GOLGA1: variants seen among roughly 807,000 people sequenced by gnomAD.
GOLGA1 encodes the protein golgin A1.
GOLGA1 carries 63 observed loss-of-function variants against 119.7 expected under a neutral mutation model. That is an observed-to-expected ratio of 0.53 (90% CI 0.43 to 0.65). GOLGA1 has a LOEUF of 0.65. Among genes scored for constraint, GOLGA1 ranks in the 30% least tolerant of loss-of-function variants. GOLGA1 has a pLI of 0.00. For missense variants in GOLGA1, 798 were observed against 912.8 expected (o/e 0.87, Z 1.62); for synonymous variants, 318 against 333.4 (o/e 0.95, Z 0.50).
chr9:124,937,779 T>A (rs1052294415), intron 3 of GOLGA1, among the ~76,000 whole-genome samples: 3 of 152,194 alleles, frequency 2.0e-5, no homozygotes, highest in African/African-American at 7.2e-5. Context: ...AAATGTATTT[T>A]ACTAATAAGA....
chr9:124,928,098 T>C (rs1830706359), intron 6 of GOLGA1, 90 bp downstream of exon 6: 1 of 578,112 alleles, frequency 1.7e-6, no homozygotes, highest in South Asian at 2.3e-5. Context: ...AGGCTATAAA[T>C]ATTTTCTATA....
intron 14 of GOLGA1, 43 bp from the exon 15 acceptor site, chr9:124,898,687 C>T: frequency 8.6e-7 from 1 of 1,163,378 alleles, no homozygotes; most frequent in Non-Finnish European, 1.3e-6. Flanking sequence ...TCTTCACTAC[C>T]ATATTTCCCT....
intron 19 of GOLGA1, among the ~76,000 whole-genome samples, chr9:124,885,877 A>G (rs774523015): frequency 6.6e-6 from 1 of 152,164 alleles, no homozygotes; most frequent in Non-Finnish European, 1.5e-5. Context: ...TGCCAGGGAA[A>G]CCAGTTAGAA....
Position 124,888,371 on chromosome 9 carries a change from G to A in GOLGA1, c.1787C>T (p.Pro596Leu), listed in dbSNP as rs1035077683. Residue 596 changes from proline (P) to leucine (L), a missense_variant, in exon 19 of 23, where the codon CCT becomes CTT. Transcript: ENST00000373555. The surrounding 1 kb of genome is among the most constrained non-coding windows in gnomAD (Gnocchi z 4.4). ...TCCTGCAGTTGGAAGCTGGAACACAGGGTCCTGCATGGCCCTCGAGGTCAC... is the reference window on the plus strand; with the variant it reads ...TCCTGCAGTTGGAAGCTGGAACACAAGGTCCTGCATGGCCCTCGAGGTCAC... ...SHVTSRAMQD[P>L]VFQLPTAGRT... is the part of the protein sequence containing the mutation. 1.2e-6 allele frequency: 2 copies of A among 1,613,998 alleles called. No homozygotes were observed. Among genetic ancestry groups the A allele is most frequent in the Admixed American group, 3.3e-5 (2 of 60,018 alleles).
At chr9:124,896,034 G>A (rs945445848) in intron 15 of GOLGA1, among the ~76,000 whole-genome samples, 1 of 152,230 alleles carries the variant, frequency 6.6e-6, no homozygotes, top group Non-Finnish European at 1.5e-5. Flanking sequence ...CGTCAATAGC[G>A]CTGAGGTGGA....
chr9:124,881,341 C>T lies in GOLGA1; in HGVS notation c.2137-84G>A, dbSNP rs1232377467. 3.7e-6 allele frequency: 3 copies of T among 806,036 alleles called. No homozygotes were observed. The highest frequency in any genetic ancestry group is 6.7e-6 in the Non-Finnish European group (3 of 445,830). 49.9% of individuals were successfully genotyped at this position (806,036 alleles called of 1,614,324 possible). A position where few individuals can be genotyped will look rare whatever the true frequency, so the allele number is the denominator to read the frequency against. ...CGGGGGAGCTACGTGGCATTTCCTGCTTGCTTTGGTTAGCAGGACCAGGTG... is the reference window on the plus strand; with the variant it reads ...CGGGGGAGCTACGTGGCATTTCCTGTTTGCTTTGGTTAGCAGGACCAGGTG... On this transcript the variant is annotated intron_variant, in intron 21 of 22. Transcript: ENST00000373555. The surrounding 1 kb of genome is among the most constrained non-coding windows in gnomAD (Gnocchi z 4.9).
chr9:124,928,572 G>A (rs1830715401), intron 5 of GOLGA1, among the ~76,000 whole-genome samples: 3 of 152,116 alleles, frequency 2.0e-5, no homozygotes, highest in Admixed American at 1.3e-4. Context: ...TACAATGATA[G>A]AACACTGAGT....
At position 124,929,303 on chromosome 9, in the gene GOLGA1, G is replaced by C. The variant is rs1192136683; in HGVS notation, c.227-13C>G. On this transcript the variant is annotated splice_polypyrimidine_tract_variant and intron_variant, in intron 4 of 22. Coordinates refer to ENST00000373555, the MANE Select transcript of GOLGA1 (RefSeq NM_002077.4). ...TGTTCAGCATAGTCTTGGGTGAGGA[G>C]GGTGACGCACATACCAGAAATGGAC... 6.4e-7 allele frequency: 1 copy of C among 1,562,184 alleles called. No individual in the cohort carries two copies. The highest frequency in any genetic ancestry group is 8.8e-7 in the Non-Finnish European group (1 of 1,132,766).
intron 3 of GOLGA1, among the ~76,000 whole-genome samples, chr9:124,934,167 T>C (rs958404117): frequency 2.0e-5 from 3 of 152,136 alleles, no homozygotes; most frequent in Non-Finnish European, 4.4e-5. Context: ...CAAAGTCACA[T>C]AATAATAATA....
rs1389807272 is a variant in GOLGA1, at chr9:124,946,872, T to G, written c.-156+1046A>C. 1 of 152,230 alleles carries G rather than the reference T, an allele frequency of 6.6e-6. No homozygotes were observed. Among genetic ancestry groups the G allele is most frequent in the Non-Finnish European group, 1.5e-5 (1 of 68,026 alleles). The allele number at this position is 152,230 out of a possible 1,614,324, so 9.4% of individuals were successfully genotyped here. On this transcript the variant is annotated intron_variant, in intron 1 of 4. Coordinates refer to the GOLGA1 transcript ENST00000421514. The surrounding 1 kb of genome is among the most constrained non-coding windows in gnomAD (Gnocchi z 4.0). ...GTGGAAGCATTTTCTCAGATGAGCC[T>G]ACTCACCTTTGATATGCAAGTCCAG...
At chr9:124,905,152 T>C (rs1165629493) in intron 12 of GOLGA1, among the ~76,000 whole-genome samples, 1 of 66,176 alleles carries the variant, frequency 1.5e-5, no homozygotes, top group Admixed American at 1.5e-4. Context: ...TCTCAAAAAA[T>C]AATAATAATA....
chr9:124,889,934 G>A (rs1164661409), intron 16 of GOLGA1, among the ~76,000 whole-genome samples: 1 of 152,214 alleles, frequency 6.6e-6, no homozygotes, highest in Non-Finnish European at 1.5e-5. Context: ...CCTCATCAGA[G>A]GAGACTCAGA....
chr9:124,929,151 A>G lies in GOLGA1; in HGVS notation c.301+65T>C, dbSNP rs1015516384. 7.8e-6 allele frequency: 7 copies of G among 901,092 alleles called. No individual in the cohort carries two copies. In the African/African-American group the frequency reaches 9.9e-5, roughly 13 times the overall value. The allele number at this position is 901,092 out of a possible 1,614,324, so 55.8% of individuals were successfully genotyped here. On this transcript the variant is annotated intron_variant, in intron 5 of 22. Coordinates refer to ENST00000373555, the MANE Select transcript of GOLGA1 (RefSeq NM_002077.4). ...TGAAGAAGGACAAACTTAACCATAC[A>G]CTATTGTTTCATTTCAAAAACTAAA...
rs1830709177 is a variant in GOLGA1, at chr9:124,928,251, T to A, written c.336A>T (p.Thr112=). The A allele has an allele frequency of 1.9e-6, 3 of 1,606,888 alleles. No homozygotes were observed. In the Admixed American group the frequency reaches 5.0e-5, roughly 27 times the overall value. ...CCATTTTGGCTCTGTTGGCTTGGAA[T>A]GTCTCATTCTGCTCTTGAAATTTCC... ...SMRKFQEQNE[T]FQANRAKMAE... Residue 112 remains threonine (T), a synonymous_variant, in exon 6 of 23, where the codon ACA becomes ACT. Coordinates refer to ENST00000373555, the MANE Select transcript of GOLGA1 (RefSeq NM_002077.4).
chr9:124,931,550 T>C, intron 3 of GOLGA1, 144 bp from the exon 4 acceptor site: 1 of 591,946 alleles, frequency 1.7e-6, no homozygotes, highest in Non-Finnish European at 3.1e-6. Flanking sequence ...TTTCTCTACC[T>C]GGAAAGTGGA....
At chr9:124,944,123 A>C (rs1354567672), upstream of GOLGA1, 1 of 152,200 alleles carries the variant, frequency 6.6e-6, no homozygotes, top group Non-Finnish European at 1.5e-5. Context: ...AAAAATAAGC[A>C]AAAAAGTTGG....
chr9:124,884,471 T>C (rs1429876558), intron 19 of GOLGA1, among the ~76,000 whole-genome samples: 1 of 152,204 alleles, frequency 6.6e-6, no homozygotes, highest in Non-Finnish European at 1.5e-5. Context: ...GCTTTCCTAA[T>C]TGTAATGTCT....
chr9:124,930,993 G>A (rs1390583830), intron 4 of GOLGA1, among the ~76,000 whole-genome samples: 2 of 152,166 alleles, frequency 1.3e-5, no homozygotes, highest in Non-Finnish European at 2.9e-5. Flanking sequence ...AAATACTAAC[G>A]CCATCCCTTT....
intron 3 of GOLGA1, among the ~76,000 whole-genome samples, chr9:124,935,021 T>C (rs1830837167): frequency 6.6e-6 from 1 of 152,018 alleles, no homozygotes; most frequent in South Asian, 2.1e-4. Flanking sequence ...CACTCCAGCC[T>C]GGGTGCCAGA....
Sources: allele counts gnomAD v4.1 joint callset (sites outside exome capture counted in the v4.1 genomes callset), GRCh38; gene constraint gnomAD v4.1.1; non-coding constraint Gnocchi (gnomAD v3.1); transcripts MANE v1.5; gene names NCBI Gene and HGNC (gene_info 2026-07-23, HGNC 2026-07-21).